FAM228B: variants seen among roughly 807,000 people sequenced by gnomAD.
The protein encoded by FAM228B is protein FAM228B.
FAM228B carries 38 observed loss-of-function variants against 42.6 expected under a neutral mutation model. The ratio of observed to expected loss-of-function variants is 0.89; its 90% CI spans 0.69 to 1.17. The LOEUF (loss-of-function observed/expected upper bound fraction) is 1.17. Ranked by LOEUF, FAM228B falls within the 50% of genes most tolerant of loss-of-function variation. The probability of loss-of-function intolerance (pLI) is 0.00; values close to 1 mark genes in which losing one functional copy is unlikely to be tolerated. For missense variants in FAM228B, 344 were observed against 367.3 expected (o/e 0.94, Z 0.52); for synonymous variants, 109 against 122.3 (o/e 0.89, Z 0.72).
intron 5 of FAM228B, 128 bp downstream of exon 5, chr2:24,139,578 G>A (rs1384365401): frequency 1.3e-5 from 6 of 463,780 alleles, no homozygotes; most frequent in Middle Eastern, 3.5e-4. Flanking sequence ...GTTTCCCATC[G>A]CCTGATCTTA....
intron 1 of FAM228B, among the ~76,000 whole-genome samples, chr2:24,123,922 C>G (rs1279200671): frequency 6.6e-6 from 1 of 152,176 alleles, no homozygotes; most frequent in African/African-American, 2.4e-5. Context: ...GCAGTATGAC[C>G]GAAAGCCCCT....
intron 3 of FAM228B, 24 bp downstream of exon 3, chr2:24,135,211 T>G: frequency 7.8e-7 from 1 of 1,289,358 alleles, no homozygotes; most frequent in Non-Finnish European, 1.1e-6. Context: ...ACAAAATGCA[T>G]CTCAGTTAAA....
intron 5 of FAM228B, among the ~76,000 whole-genome samples, chr2:24,145,300 G>A (rs116000702): frequency 0.023 from 3,511 of 152,200 alleles, 141 homozygotes; most frequent in African/African-American, 0.079. Flanking sequence ...CCCATCCCCC[G>A]CAAAGCCTCA....
upstream of FAM228B, among the ~76,000 whole-genome samples, chr2:24,119,029 C>A (rs1666014063): frequency 6.6e-6 from 1 of 152,140 alleles, no homozygotes; most frequent in African/African-American, 2.4e-5. Flanking sequence ...GATCTTTATT[C>A]AAAAATGTAT....
chr2:24,151,756 C>T (rs1321341589), intron 7 of FAM228B, among the ~76,000 whole-genome samples: 1 of 151,954 alleles, frequency 6.6e-6, no homozygotes, highest in Non-Finnish European at 1.5e-5. Context: ...AATCTCGGCT[C>T]ACTGTAACCT....
rs762845337 is a variant in FAM228B, at chr2:24,084,264, G to A, written c.-210+3309G>A. ...CTTCACCCTCCCCCGGGCTCGGCTT[G>A]GCCACCTCCTTCACGTAGAGGTTTT... is the stretch of plus-strand genomic sequence containing the variant. On this transcript the variant is annotated intron_variant, in intron 2 of 10. Coordinates refer to the FAM228B transcript ENST00000613899. The surrounding 1 kb of genome is among the most constrained non-coding windows in gnomAD (Gnocchi z 8.4). 2.5e-6 allele frequency: 4 copies of A among 1,613,996 alleles called. No homozygotes were observed. In the Admixed American group the frequency reaches 6.7e-5, roughly 27 times the overall value.
intron 7 of FAM228B, among the ~76,000 whole-genome samples, chr2:24,147,945 A>C (rs866153558): frequency 7.5e-5 from 10 of 132,838 alleles, no homozygotes; most frequent in Middle Eastern, 8.3e-3. Flanking sequence ...ATGTCTTGTA[A>C]TTTTTTATTG....
At chr2:24,083,219 C>A in intron 2 of FAM228B, 1 of 1,480,228 alleles carries the variant, frequency 6.8e-7, no homozygotes, top group Non-Finnish European at 9.0e-7. Context: ...ACCCCTGGCC[C>A]CCCTTCCAAG....
At chr2:24,130,996 C>T (rs1243467423) in intron 2 of FAM228B, among the ~76,000 whole-genome samples, 1 of 152,120 alleles carries the variant, frequency 6.6e-6, no homozygotes, top group African/African-American at 2.4e-5. Context: ...GGTCCAGTTT[C>T]AGTTTTCTGC....
chr2:24,103,432 A>G (rs1665646306), intron 3 of FAM228B, among the ~76,000 whole-genome samples: 1 of 152,218 alleles, frequency 6.6e-6, no homozygotes, highest in Non-Finnish European at 1.5e-5. Context: ...TCTCATTTGG[A>G]GACCTCTGTT....
At chr2:24,115,398 C>G (rs1399402636) in intron 3 of FAM228B, 2 of 593,134 alleles carry the variant, frequency 3.4e-6, no homozygotes, top group African/African-American at 1.9e-5. Context: ...TATTAAAAAA[C>G]AGTTGATCAA....
chr2:24,139,106 T>TA (rs1465842100), intron 4 of FAM228B, among the ~76,000 whole-genome samples: 11 of 152,220 alleles, frequency 7.2e-5, no homozygotes, highest in Non-Finnish European at 1.6e-4. Context: ...AGTAAGCATT[T>TA]AAAAACAAAT....
chr2:24,085,969 C>G (rs575171412), intron 2 of FAM228B: 53 of 152,330 alleles, frequency 3.5e-4, no homozygotes, highest in African/African-American at 1.3e-3. Context: ...GGCGCGGTGG[C>G]TCACGCCTGT....
intron 5 of FAM228B, among the ~76,000 whole-genome samples, chr2:24,145,358 C>G (rs1190483503): frequency 2.6e-5 from 4 of 152,222 alleles, no homozygotes; most frequent in African/African-American, 9.6e-5. Flanking sequence ...AAAACACAGA[C>G]ACCACTGACG....
chr2:24,167,486 T>C, intron 9 of FAM228B, 141 bp from the exon 10 acceptor site: 2 of 993,392 alleles, frequency 2.0e-6, no homozygotes, highest in Non-Finnish European at 3.0e-6. Context: ...CATTTAAACC[T>C]GTTCTGTTGG....
intron 3 of FAM228B, among the ~76,000 whole-genome samples, chr2:24,111,978 C>T (rs1665803883): frequency 6.6e-6 from 1 of 152,130 alleles, no homozygotes; most frequent in Non-Finnish European, 1.5e-5. Flanking sequence ...CCTGAAATTC[C>T]ACTTCCAGAC....
intron 2 of FAM228B, among the ~76,000 whole-genome samples, chr2:24,128,476 T>C (rs1202672937): frequency 2.6e-5 from 4 of 152,230 alleles, no homozygotes; most frequent in African/African-American, 2.4e-5. Flanking sequence ...ATAATAACTT[T>C]TAATGTCCTG....
At chr2:24,127,158 GAT>G (rs996868620) in intron 2 of FAM228B, among the ~76,000 whole-genome samples, 2 of 152,032 alleles carry the variant, frequency 1.3e-5, no homozygotes, top group Non-Finnish European at 2.9e-5. Context: ...TGTCTAAACA[GAT>G]TTGTCTACTC....
intron 3 of FAM228B, among the ~76,000 whole-genome samples, chr2:24,111,559 T>C (rs1482677514): frequency 6.6e-6 from 1 of 152,184 alleles, no homozygotes; most frequent in Non-Finnish European, 1.5e-5. Context: ...ATCCCTGTCC[T>C]CTTTTGGAGT....
Sources: allele counts gnomAD v4.1 joint callset (sites outside exome capture counted in the v4.1 genomes callset), GRCh38; gene constraint gnomAD v4.1.1; non-coding constraint Gnocchi (gnomAD v3.1); transcripts MANE v1.5; gene names NCBI Gene and HGNC (gene_info 2026-07-23, HGNC 2026-07-21).